ATXN1: variants seen among roughly 807,000 people sequenced by gnomAD.
ATXN1 encodes ataxin-1.
ATXN1 carries 8 observed loss-of-function variants against 56.4 expected under a neutral mutation model. That is an observed-to-expected ratio of 0.14 (90% CI 0.08 to 0.26). ATXN1 has a LOEUF of 0.26. Among genes scored for constraint, ATXN1 ranks in the 10% least tolerant of loss-of-function variants. The pLI is 1.00. For missense variants in ATXN1, 987 were observed against 1,106.5 expected (o/e 0.89, Z 1.53); for synonymous variants, 514 against 494.6 (o/e 1.04, Z -0.52).
chr6:16,415,520 G>A (rs73366713), intron 6 of ATXN1, among the ~76,000 whole-genome samples: 19,907 of 152,236 alleles, frequency 0.13, 1,375 homozygotes, highest in Admixed American at 0.15. Flanking sequence ...GTGAGCCACC[G>A]CGCCCAGCCC....
intron 2 of ATXN1, among the ~76,000 whole-genome samples, chr6:16,702,864 C>T (rs1224214387): frequency 1.3e-5 from 2 of 152,190 alleles, no homozygotes; most frequent in Non-Finnish European, 2.9e-5. Context: ...GACATAGGAA[C>T]ATTTTTACAC....
At chr6:16,663,922 GGAAA>G (rs1451300685) in intron 2 of ATXN1, among the ~76,000 whole-genome samples, 1 of 152,046 alleles carries the variant, frequency 6.6e-6, no homozygotes, top group African/African-American at 2.4e-5. Context: ...CTAAAGCACT[GGAAA>G]GAAAGAATCA....
intron 3 of ATXN1, among the ~76,000 whole-genome samples, chr6:16,646,919 T>A (rs1377600041): frequency 2.0e-5 from 3 of 152,240 alleles, no homozygotes; most frequent in Non-Finnish European, 4.4e-5. Context: ...CGAAATTCCA[T>A]GAAAGTGGTA....
intron 6 of ATXN1, among the ~76,000 whole-genome samples, chr6:16,397,379 T>A (rs1758479053): frequency 6.6e-6 from 1 of 152,194 alleles, no homozygotes. Flanking sequence ...TTCTCCTGCT[T>A]CAGCCTCCCG....
intron 2 of ATXN1, among the ~76,000 whole-genome samples, chr6:16,682,706 T>G (rs928677922): frequency 2.6e-5 from 4 of 152,190 alleles, no homozygotes; most frequent in Admixed American, 6.5e-5. Flanking sequence ...AGGGATCAGC[T>G]ACTTGAAACC....
At chr6:16,424,725 G>T (rs2237204) in intron 6 of ATXN1, among the ~76,000 whole-genome samples, 22,444 of 152,214 alleles carry the variant, frequency 0.15, 1,967 homozygotes, top group East Asian at 0.41. Flanking sequence ...CTGAATAGAT[G>T]AGGAGTCAGG....
chr6:16,508,419 T>C (rs1273358284), intron 5 of ATXN1, among the ~76,000 whole-genome samples: 4 of 152,206 alleles, frequency 2.6e-5, no homozygotes, highest in East Asian at 1.9e-4. Context: ...TAAATGCTTA[T>C]AGACAAACTG....
At chr6:16,388,661 C>T (rs1337023854) in intron 6 of ATXN1, among the ~76,000 whole-genome samples, 2 of 152,208 alleles carry the variant, frequency 1.3e-5, no homozygotes, top group African/African-American at 4.8e-5. Context: ...CAATAAGATT[C>T]AGAAAAGATG....
At chr6:16,549,071 A>G (rs1367513237) in intron 4 of ATXN1, among the ~76,000 whole-genome samples, 1 of 152,048 alleles carries the variant, frequency 6.6e-6, no homozygotes, top group African/African-American at 2.4e-5. Flanking sequence ...AATAACACAC[A>G]TGGACCTGTC....
intron 4 of ATXN1, among the ~76,000 whole-genome samples, chr6:16,566,771 G>C (rs1177759113): frequency 6.6e-6 from 1 of 151,968 alleles, no homozygotes; most frequent in Non-Finnish European, 1.5e-5. Context: ...CAGGAGAATC[G>C]CTTGAATCTG....
chr6:16,618,779 G>A (rs13207781), intron 3 of ATXN1, among the ~76,000 whole-genome samples: 43,755 of 147,474 alleles, frequency 0.3, 8,129 homozygotes, highest in African/African-American at 0.54. Context: ...AACACTTTTT[G>A]AAAATTATTA....
intron 3 of ATXN1, among the ~76,000 whole-genome samples, chr6:16,613,150 A>T (rs1285991574): frequency 2.0e-5 from 3 of 149,632 alleles, no homozygotes; most frequent in Non-Finnish European, 4.5e-5. Context: ...CTGTAGTCCC[A>T]GCCACTCGGG....
At chr6:16,390,680 T>TACACACACACACACACA (rs60238072) in intron 6 of ATXN1, among the ~76,000 whole-genome samples, 1,787 of 147,218 alleles carry the variant, frequency 0.012, 45 homozygotes, top group African/African-American at 0.042. Flanking sequence ...AATAAACACA[T>TACACACACACACACACA]CACACACACA....
intron 2 of ATXN1, among the ~76,000 whole-genome samples, chr6:16,744,053 C>A (rs1295247825): frequency 6.6e-6 from 1 of 152,122 alleles, no homozygotes; most frequent in East Asian, 1.9e-4. Flanking sequence ...TTCATTTTGG[C>A]TTCAAAGAGG....
At chr6:16,738,333 A>G (rs1225979378) in intron 2 of ATXN1, 1 of 152,214 alleles carries the variant, frequency 6.6e-6, no homozygotes, top group Non-Finnish European at 1.5e-5. Context: ...ACTGGCTATT[A>G]GCTTTCAGCT....
At chr6:16,714,056 T>G (rs945352488) in intron 2 of ATXN1, among the ~76,000 whole-genome samples, 1 of 151,692 alleles carries the variant, frequency 6.6e-6, no homozygotes, top group Non-Finnish European at 1.5e-5. Context: ...CTTGGGAGGT[T>G]GAGGCAGAGA....
At chr6:16,320,541 G>C (rs936103328) in intron 7 of ATXN1, among the ~76,000 whole-genome samples, 9 of 152,262 alleles carry the variant, frequency 5.9e-5, no homozygotes, top group African/African-American at 2.2e-4. Context: ...ACTCTTCAGA[G>C]AAGCTGAACC....
intron 4 of ATXN1, among the ~76,000 whole-genome samples, chr6:16,554,765 A>G (rs1761981976): frequency 6.6e-6 from 1 of 151,056 alleles, no homozygotes; most frequent in Non-Finnish European, 1.5e-5. Flanking sequence ...ATTTTTTTGT[A>G]TTTTTAGTAG....
At chr6:16,665,877 G>A (rs958252542) in intron 2 of ATXN1, among the ~76,000 whole-genome samples, 23 of 152,168 alleles carry the variant, frequency 1.5e-4, no homozygotes, top group Non-Finnish European at 1.0e-4. Context: ...GTACATGATC[G>A]TTGTGCATAT....
Sources: allele counts gnomAD v4.1 joint callset (sites outside exome capture counted in the v4.1 genomes callset), GRCh38; gene constraint gnomAD v4.1.1; transcripts MANE v1.5; gene names NCBI Gene and HGNC (gene_info 2026-07-23, HGNC 2026-07-21).